SYT12: variants seen among roughly 807,000 people sequenced by gnomAD.
SYT12 encodes synaptotagmin-12.
SYT12 carries 27 observed loss-of-function variants against 39.5 expected under a neutral mutation model. That is an observed-to-expected ratio of 0.68 (90% CI 0.50 to 0.94). The LOEUF is 0.94. Ranked by LOEUF, SYT12 falls within the 40% of genes least tolerant of loss-of-function variation. The pLI is 0.00. For missense variants in SYT12, 536 were observed against 572.6 expected, an observed-to-expected ratio of 0.94 and a Z score of 0.65; for synonymous variants, 233 against 239.7, an observed-to-expected ratio of 0.97 and a Z score of 0.26.
chr11:67,019,535 G>A (rs1016117032), upstream of SYT12, among the ~76,000 whole-genome samples: 21 of 151,140 alleles, frequency 1.4e-4, no homozygotes, highest in Non-Finnish European at 2.8e-4. Context: ...GGGGGAAACC[G>A]CCCCCCACGA....
In SYT12 at chr11:67,048,659, G is replaced by A. The variant is rs1854649063; in HGVS notation, c.1168G>A (p.Gly390Arg). ...GGACAACGTGGGCCATGTCATCATT[G>A]GGCCGTCAGCCAGTGGCATGGGAAC... ...RGDNVGHVIIGPSASGMGTTH... is the reference protein window; with the variant it reads ...RGDNVGHVIIRPSASGMGTTH... The change falls in exon 8 of 8, where the codon GGG (glycine) becomes AGG (arginine). Residue 390 changes from glycine (G) to arginine (R), a missense_variant. Physicochemically the swap from Gly to Arg is moderately radical, Grantham distance 125 (BLOSUM62 -2). Coordinates refer to ENST00000527043, the MANE Select transcript of SYT12 (RefSeq NM_177963.4). 3.1e-6 allele frequency: 5 copies of A among 1,612,868 alleles called. No individual in the cohort carries two copies. Among genetic ancestry groups the A allele is most frequent in the Non-Finnish European group, 8.5e-7 (1 of 1,179,242 alleles).
At chr11:67,016,279 C>T (rs1673172476) in intron 3 of SYT12, among the ~76,000 whole-genome samples, 2 of 152,032 alleles carry the variant, frequency 1.3e-5, no homozygotes, top group Admixed American at 1.3e-4. Flanking sequence ...AGATTTCTGT[C>T]TCATTAAGAA....
At chr11:67,043,564 C>A in intron 4 of SYT12, 74 bp from the exon 5 acceptor site, 1 of 1,414,728 alleles carries the variant, frequency 7.1e-7, no homozygotes, top group Non-Finnish European at 9.9e-7. Flanking sequence ...GGCCTCTGGA[C>A]TCCCTGTCCA....
intron 1 of SYT12, among the ~76,000 whole-genome samples, chr11:67,008,804 A>T (rs1949990743): frequency 6.6e-6 from 1 of 152,150 alleles, no homozygotes; most frequent in Admixed American, 6.6e-5. Context: ...AGCCTCTCAA[A>T]GTGCTGGGAG....
rs1228701219 is a variant in SYT12, at chr11:67,050,234, C to T, written c.*1477C>T. On this transcript the variant is annotated 3_prime_UTR_variant, in exon 8 of 8. Coordinates refer to ENST00000527043, the MANE Select transcript of SYT12 (RefSeq NM_177963.4). ...GCAGGCAGAGCTTGTCATCCCCAGCCTGGTGTCCCGCAGTCCCAGGAAGCC... is the reference window on the plus strand; with the variant it reads ...GCAGGCAGAGCTTGTCATCCCCAGCTTGGTGTCCCGCAGTCCCAGGAAGCC... 1 of 152,464 alleles carries T rather than the reference C, an allele frequency of 6.6e-6. No homozygotes were observed. The highest frequency in any genetic ancestry group is 1.9e-4 in the East Asian group (1 of 5,186). 9.4% of individuals were successfully genotyped at this position (152,464 alleles called of 1,614,324 possible).
chr11:67,023,647 C>T (rs1032720278), intron 1 of SYT12, among the ~76,000 whole-genome samples, 187 bp downstream of exon 1: 24 of 152,306 alleles, frequency 1.6e-4, no homozygotes, highest in African/African-American at 5.3e-4. Flanking sequence ...GCGCCCTTAC[C>T]CGGCCCGGCC....
intron 3 of SYT12, among the ~76,000 whole-genome samples, chr11:67,035,543 C>T (rs1332926385): frequency 1.3e-5 from 2 of 148,994 alleles, no homozygotes; most frequent in South Asian, 2.1e-4. Context: ...CTGCAAGCTC[C>T]GCCTCCCGGG....
chr11:67,030,651 C>T (rs1336809900), intron 2 of SYT12: 1 of 153,742 alleles, frequency 6.5e-6, no homozygotes, highest in African/African-American at 2.4e-5. Flanking sequence ...CTCCAGCTTT[C>T]CAGCCTGGGC....
At chr11:67,011,037 C>T (rs1298114417) in intron 3 of SYT12, 1 of 152,086 alleles carries the variant, frequency 6.6e-6, no homozygotes, top group African/African-American at 2.4e-5. Flanking sequence ...GTGCAGTATT[C>T]TAGTTGACAA....
intron 3 of SYT12, among the ~76,000 whole-genome samples, chr11:67,035,523 T>G (rs1279357013): frequency 1.4e-5 from 2 of 146,232 alleles, no homozygotes; most frequent in Admixed American, 1.4e-4. Flanking sequence ...AGTGGGGCAA[T>G]CTCGGCTCAC....
intron 1 of SYT12, among the ~76,000 whole-genome samples, chr11:67,008,951 T>C (rs998540530): frequency 6.6e-6 from 1 of 152,208 alleles, no homozygotes; most frequent in Non-Finnish European, 1.5e-5. Flanking sequence ...TGAGCCAATA[T>C]GTGTAATGCA....
chr11:67,025,877 G>A (rs1262499580), intron 1 of SYT12, among the ~76,000 whole-genome samples: 1 of 152,078 alleles, frequency 6.6e-6, no homozygotes, highest in Non-Finnish European at 1.5e-5. Context: ...GGTTGTCACT[G>A]CTAATGGAAG....
intron 4 of SYT12, among the ~76,000 whole-genome samples, chr11:67,041,557 G>A (rs1258240659): frequency 6.6e-6 from 1 of 152,150 alleles, no homozygotes; most frequent in African/African-American, 2.4e-5. Context: ...GGCAGCCTCA[G>A]GGATGGCATG....
chr11:67,018,978 C>T (rs772439425), upstream of SYT12, among the ~76,000 whole-genome samples: 53 of 152,148 alleles, frequency 3.5e-4, no homozygotes, highest in Non-Finnish European at 4.1e-4. Flanking sequence ...GCCTACTGTT[C>T]CAACTGTATT....
rs557746699 is a variant in SYT12 at position 67,042,687 on chromosome 11, G to A, written c.622-951G>A. On this transcript the variant is annotated intron_variant, in intron 4 of 7. Transcript: ENST00000527043. ...CTGAGAGGCTAATTTAGCCGAAGGA[G>A]GGAGAGGCAGAGCCAGATCATGAAG... Among the ~76,000 whole-genome samples the A allele has an allele frequency of 3.3e-5, 5 of 152,340 alleles. No homozygotes were observed. The East Asian group carries it at 9.6e-4, about 29-fold the overall frequency.
At chr11:67,024,314 G>C (rs1950152219) in intron 1 of SYT12, among the ~76,000 whole-genome samples, 1 of 152,208 alleles carries the variant, frequency 6.6e-6, no homozygotes, top group Non-Finnish European at 1.5e-5. Flanking sequence ...GGAAATTGAG[G>C]CTCAGAGAGG....
Position 67,035,518 on chromosome 11 carries a change from G to C in SYT12, c.228+680G>C, listed in dbSNP as rs1346650115. Among the ~76,000 whole-genome samples the C allele has an allele frequency of 1.7e-3, 240 of 144,628 alleles. 1 individual carries two copies. Among genetic ancestry groups the C allele is most frequent in the African/African-American group, 5.8e-3 (225 of 38,614 alleles). 94.9% of individuals were successfully genotyped at this position (144,628 alleles called of 152,430 possible). ...TGTTGCCCAGGCTGGAGTGCAGTGG[G>C]GCAATCTCGGCTCACTGCAAGCTCC... On this transcript the variant is annotated intron_variant, in intron 3 of 7. Coordinates refer to ENST00000527043, the MANE Select transcript of SYT12 (RefSeq NM_177963.4).
intron 2 of SYT12, among the ~76,000 whole-genome samples, chr11:67,010,347 C>T (rs1468324773): frequency 6.6e-6 from 1 of 152,186 alleles, no homozygotes; most frequent in African/African-American, 2.4e-5. Flanking sequence ...ACTTCTGGAG[C>T]GAGCCACCTT....
chr11:67,007,553 A>G (rs115244096), intron 1 of SYT12: 1 of 151,998 alleles, frequency 6.6e-6, no homozygotes, highest in Non-Finnish European at 1.5e-5. Flanking sequence ...TTCTTTTCTT[A>G]TTTATTTATT....
Sources: gnomAD v4.1 joint callset for allele counts (sites outside exome capture counted in the v4.1 genomes callset) on GRCh38, gnomAD v4.1.1 for gene constraint, MANE v1.5 for transcripts, NCBI Gene and HGNC (gene_info 2026-07-23, HGNC 2026-07-21) for gene names.